The following SORCS3 variants were observed in gnomAD, a reference collection of about 807,000 sequenced individuals.
The protein encoded by SORCS3 is sortilin related VPS10 domain containing receptor 3.
In SORCS3, 57 loss-of-function variants were observed where a neutral mutation model predicts 146.3. The ratio of observed to expected loss-of-function variants is 0.39; its 90% confidence interval spans 0.31 to 0.49. The LOEUF (loss-of-function observed/expected upper bound fraction) is 0.49, where lower values mean the gene tolerates loss of function less well. Among genes scored for constraint, SORCS3 ranks in the 20% least tolerant of loss-of-function variants. The pLI is 0.92. For missense variants in SORCS3, 1,341 were observed against 1,575.5 expected, an observed-to-expected ratio of 0.85 and a Z score of 2.52; for synonymous variants, 653 against 618.5, an observed-to-expected ratio of 1.06 and a Z score of -0.83.
At chr10:105,139,664 C>T (rs902459569) in intron 8 of SORCS3, among the ~76,000 whole-genome samples, 178 bp downstream of exon 8, 2 of 152,066 alleles carry the variant, frequency 1.3e-5, no homozygotes, top group Non-Finnish European at 2.9e-5. Context: ...TTCTGTATTT[C>T]TGTCTCAGCT....
chr10:105,017,362 A>G (rs969887719), intron 4 of SORCS3, among the ~76,000 whole-genome samples: 1 of 152,188 alleles, frequency 6.6e-6, no homozygotes, highest in Non-Finnish European at 1.5e-5. Context: ...CCCACTTCCA[A>G]CTGGTGCTGA....
intron 2 of SORCS3, among the ~76,000 whole-genome samples, chr10:104,843,867 C>A (rs769716232): frequency 1.3e-5 from 2 of 152,160 alleles, no homozygotes; most frequent in Non-Finnish European, 2.9e-5. Flanking sequence ...TCCCATTTAC[C>A]TTGTGATGTG....
intron 4 of SORCS3, among the ~76,000 whole-genome samples, chr10:104,987,897 A>C (rs1446772681): frequency 6.6e-6 from 1 of 152,122 alleles, no homozygotes; most frequent in Non-Finnish European, 1.5e-5. Context: ...AGACAATTCT[A>C]ATGCATTGAG....
At chr10:105,128,278 C>T (rs889413283) in intron 7 of SORCS3, among the ~76,000 whole-genome samples, 15 of 152,100 alleles carry the variant, frequency 9.9e-5, no homozygotes. Flanking sequence ...ATATTCATGG[C>T]TCTTGGGGAG....
chr10:104,899,255 T>C (rs2018828122), intron 2 of SORCS3, among the ~76,000 whole-genome samples: 1 of 152,220 alleles, frequency 6.6e-6, no homozygotes, highest in South Asian at 2.1e-4. Flanking sequence ...AACAGAGAAT[T>C]CAGCTTATCT....
At chr10:104,914,607 C>T (rs1328715404) in intron 2 of SORCS3, among the ~76,000 whole-genome samples, 1 of 152,102 alleles carries the variant, frequency 6.6e-6, no homozygotes, top group Non-Finnish European at 1.5e-5. Flanking sequence ...ACACTCCATC[C>T]AGGCTAGGCA....
At position 105,201,127 on chromosome 10, in the gene SORCS3, C is replaced by G; in HGVS notation, c.2135C>G (p.Pro712Arg). Residue 712 changes from proline (P) to arginine (R), a missense_variant, in exon 16 of 27, where the codon CCT (proline) becomes CGT (arginine). Pro to Arg is a moderately radical substitution (Grantham distance 103, BLOSUM62 -2). Coordinates refer to ENST00000369701, the MANE Select transcript of SORCS3 (RefSeq NM_014978.3). ...ATGGAATTTCTCTCTAAGGGAGAGC[C>G]TTGTGTCATGGGAGAAAGGAAAATA... ...QTWHLLNQGE[P>R]CVMGERKIFK... 1 of 1,612,562 alleles carries G rather than the reference C, an allele frequency of 6.2e-7. No individual in the cohort carries two copies. The highest frequency in any genetic ancestry group is 1.7e-5 in the Admixed American group (1 of 59,874).
intron 16 of SORCS3, among the ~76,000 whole-genome samples, chr10:105,210,364 C>A (rs563444247): frequency 1.4e-4 from 21 of 152,156 alleles, no homozygotes; most frequent in Non-Finnish European, 2.5e-4. Flanking sequence ...AGTGAAGCTA[C>A]CCTCAATGAT....
intron 3 of SORCS3, among the ~76,000 whole-genome samples, chr10:104,953,058 A>G (rs1354812213): frequency 6.6e-6 from 1 of 152,212 alleles, no homozygotes; most frequent in Non-Finnish European, 1.5e-5. Context: ...TACAATAAGA[A>G]TAATTGGAAA....
At chr10:104,860,167 C>T (rs61867307) in intron 2 of SORCS3, among the ~76,000 whole-genome samples, 52,500 of 88,374 alleles carry the variant, frequency 0.59, 15,074 homozygotes, top group East Asian at 0.76. Context: ...TTGGAACCAA[C>T]CCAAATGTCC....
chr10:104,946,237 G>A (rs1345175726), intron 3 of SORCS3, among the ~76,000 whole-genome samples: 2 of 151,766 alleles, frequency 1.3e-5, no homozygotes, highest in Non-Finnish European at 2.9e-5. Flanking sequence ...ACCTGTGGGG[G>A]TTGAGAATAA....
chr10:104,753,500 AG>A (rs2017012210), intron 1 of SORCS3, among the ~76,000 whole-genome samples: 1 of 152,228 alleles, frequency 6.6e-6, no homozygotes, highest in South Asian at 2.1e-4. Flanking sequence ...GTTTGAATAA[AG>A]GAAGAACAGG....
At chr10:104,750,083 T>A (rs191808621) in intron 1 of SORCS3, among the ~76,000 whole-genome samples, 1 of 152,168 alleles carries the variant, frequency 6.6e-6, no homozygotes, top group Non-Finnish European at 1.5e-5. Flanking sequence ...TATCAGTTAG[T>A]GGGTAGTACT....
intron 1 of SORCS3, among the ~76,000 whole-genome samples, chr10:104,771,128 C>T (rs888187874): frequency 1.4e-4 from 22 of 151,982 alleles, no homozygotes; most frequent in African/African-American, 4.1e-4. Flanking sequence ...TTTTGCTCAA[C>T]GTGTGGTCCA....
intron 17 of SORCS3, 37 bp downstream of exon 17, chr10:105,211,287 T>C: frequency 7.0e-7 from 1 of 1,428,952 alleles, no homozygotes; most frequent in Non-Finnish European, 9.9e-7. Flanking sequence ...GCTCCCTGTT[T>C]TCCTGTTTCT....
intron 3 of SORCS3, among the ~76,000 whole-genome samples, chr10:104,930,871 A>G (rs181459247): frequency 9.8e-5 from 15 of 152,322 alleles, no homozygotes; most frequent in African/African-American, 1.9e-4. Context: ...TCCTTAGCTG[A>G]TAGAAGGATT....
chr10:104,738,664 G>C (rs1014702649), intron 1 of SORCS3, among the ~76,000 whole-genome samples: 2 of 152,136 alleles, frequency 1.3e-5, no homozygotes, highest in Admixed American at 1.3e-4. Flanking sequence ...AGGCAGACAC[G>C]TGTGACTGTA....
chr10:104,644,968 G>A (rs2015473702), intron 1 of SORCS3, among the ~76,000 whole-genome samples: 1 of 152,238 alleles, frequency 6.6e-6, no homozygotes, highest in Admixed American at 6.5e-5. Context: ...TGCCCCAGGT[G>A]GTTGAGGGTG....
At chr10:104,778,759 A>G (rs575258245) in intron 1 of SORCS3, among the ~76,000 whole-genome samples, 1 of 152,164 alleles carries the variant, frequency 6.6e-6, no homozygotes, top group African/African-American at 2.4e-5. Context: ...GCTGGGGCAT[A>G]TTGTAGGTAC....
Sources: allele counts gnomAD v4.1 joint callset (sites outside exome capture counted in the v4.1 genomes callset), GRCh38; gene constraint gnomAD v4.1.1; transcripts MANE v1.5; gene names NCBI Gene and HGNC (gene_info 2026-07-23, HGNC 2026-07-21).